Variants in SPATA17 observed in about 807,000 individuals in gnomAD.
The protein encoded by SPATA17 is spermatogenesis-associated protein 17.
In SPATA17, 53 loss-of-function variants were observed where a neutral mutation model predicts 62.2. That is an observed-to-expected ratio of 0.85 (90% CI 0.68 to 1.07). The LOEUF is 1.07. Ranked by LOEUF, SPATA17 falls within the 50% of genes least tolerant of loss-of-function variation. The probability of loss-of-function intolerance (pLI) is 0.00; values close to 1 mark genes in which losing one functional copy is unlikely to be tolerated. For synonymous variants in SPATA17, 146 were observed against 146.8 expected (o/e 0.99, Z 0.04); for missense variants, 466 against 425.5 (o/e 1.10, Z -0.84).
intron 7 of SPATA17, among the ~76,000 whole-genome samples, chr1:217,779,018 TG>T (rs1164521578): frequency 2.0e-5 from 3 of 151,998 alleles, no homozygotes; most frequent in Non-Finnish European, 4.4e-5. Context: ...ATAGAAATAA[TG>T]TATGGATGAT....
intron 6 of SPATA17, among the ~76,000 whole-genome samples, chr1:217,767,004 A>G (rs574299243): frequency 6.6e-6 from 1 of 151,868 alleles, no homozygotes; most frequent in African/African-American, 2.4e-5. Context: ...GTGATATTTC[A>G]TTTTCATTCT....
chr1:217,678,207 T>A (rs1015703126), intron 4 of SPATA17, among the ~76,000 whole-genome samples: 1 of 139,152 alleles, frequency 7.2e-6, no homozygotes. Context: ...TTTCTTTTCT[T>A]TTTTTTTTTT....
In SPATA17 at chr1:217,810,617, C is replaced by CAAA. The variant is rs112509140; in HGVS notation, c.1005+8775_1005+8777dup. On this transcript the variant is annotated intron_variant, in intron 9 of 10. Coordinates refer to ENST00000366933, the MANE Select transcript of SPATA17 (RefSeq NM_138796.4). Reference sequence around the variant, plus strand: ...TGGGTGACAGAGTGAGACTCTGTCTCAAAAAAAAAAGAAAGAAAGAGGTAC... The same window carrying CAAA: ...TGGGTGACAGAGTGAGACTCTGTCTCAAAAAAAAAAAAAGAAAGAAAGAGGTAC... Among the ~76,000 whole-genome samples the CAAA allele has an allele frequency of 2.8e-5, 4 of 143,172 alleles. No homozygotes were observed. The South Asian group carries it at 6.7e-4, about 24-fold the overall frequency. 93.9% of individuals were successfully genotyped at this position (143,172 alleles called of 152,430 possible).
chr1:217,790,139 T>C (rs571365773), intron 8 of SPATA17, among the ~76,000 whole-genome samples: 1 of 152,058 alleles, frequency 6.6e-6, no homozygotes, highest in African/African-American at 2.4e-5. Context: ...CAACAAAGGG[T>C]GATAGTTAAA....
chr1:217,802,903 G>A (rs1053807726), intron 9 of SPATA17, among the ~76,000 whole-genome samples: 1 of 151,964 alleles, frequency 6.6e-6, no homozygotes, highest in Non-Finnish European at 1.5e-5. Context: ...AACATGACAA[G>A]GGTGCCCACT....
chr1:217,838,223 A>G (rs1675306560), intron 9 of SPATA17, among the ~76,000 whole-genome samples: 1 of 152,028 alleles, frequency 6.6e-6, no homozygotes, highest in South Asian at 2.1e-4. Flanking sequence ...ACTGCTCTAG[A>G]TGATATATTT....
chr1:217,801,522 G>T (rs1558056581), intron 8 of SPATA17, among the ~76,000 whole-genome samples, 196 bp from the exon 9 acceptor site: 1 of 152,054 alleles, frequency 6.6e-6, no homozygotes, highest in Non-Finnish European at 1.5e-5. Flanking sequence ...ATCTCTATTT[G>T]CAGAATAGAA....
Position 217,664,102 on chromosome 1 carries a change from T to C in SPATA17, c.241-4931T>C, listed in dbSNP as rs556546418. ...AAAACAGTAGGTGGAACAGTCAAAGTTGACAACGTCTGGAGCATGTTTTGA... is the reference window on the plus strand; with the variant it reads ...AAAACAGTAGGTGGAACAGTCAAAGCTGACAACGTCTGGAGCATGTTTTGA... On this transcript the variant is annotated intron_variant, in intron 3 of 10. Coordinates refer to ENST00000366933, the MANE Select transcript of SPATA17 (RefSeq NM_138796.4). Among the ~76,000 whole-genome samples the C allele has an allele frequency of 4.6e-5, 7 of 152,086 alleles. No individual in the cohort carries two copies. In the East Asian group the frequency reaches 7.8e-4, roughly 17 times the overall value.
At chr1:217,672,714 G>T (rs186389780) in intron 4 of SPATA17, among the ~76,000 whole-genome samples, 99 of 151,822 alleles carry the variant, frequency 6.5e-4, no homozygotes, top group Non-Finnish European at 1.1e-3. Context: ...TTTTTTAAAG[G>T]GTCACCTTTT....
At chr1:217,829,771 A>G (rs935437832) in intron 9 of SPATA17, among the ~76,000 whole-genome samples, 5 of 151,888 alleles carry the variant, frequency 3.3e-5, no homozygotes, top group Non-Finnish European at 5.9e-5. Context: ...GGGTGGCGAG[A>G]GAAATATAGG....
chr1:217,815,088 T>C (rs1459192524), intron 9 of SPATA17, among the ~76,000 whole-genome samples: 2 of 152,160 alleles, frequency 1.3e-5, no homozygotes. Context: ...GTGTGAATTG[T>C]GGCCTCCAAA....
chr1:217,643,088 T>C (rs1226859617), intron 1 of SPATA17, among the ~76,000 whole-genome samples: 1 of 152,208 alleles, frequency 6.6e-6, no homozygotes, highest in East Asian at 1.9e-4. Context: ...CTTATTTCTC[T>C]ACCTATTGAT....
At chr1:217,789,991 C>T (rs144642085) in intron 8 of SPATA17, among the ~76,000 whole-genome samples, 32 of 151,904 alleles carry the variant, frequency 2.1e-4, no homozygotes, top group African/African-American at 7.0e-4. Context: ...GAGCCCAGAT[C>T]GCACCACTGC....
chr1:217,799,851 A>G (rs1418405920), intron 8 of SPATA17, among the ~76,000 whole-genome samples: 1 of 152,086 alleles, frequency 6.6e-6, no homozygotes, highest in African/African-American at 2.4e-5. Context: ...CAATAAATAT[A>G]TGTTGAACCT....
At chr1:217,744,976 A>G (rs958622939) in intron 6 of SPATA17, among the ~76,000 whole-genome samples, 1 of 152,234 alleles carries the variant, frequency 6.6e-6, no homozygotes, top group Admixed American at 6.5e-5. Context: ...TTAACCACAG[A>G]TAAACCTAAG....
chr1:217,787,214 T>A (rs942114663), intron 8 of SPATA17, among the ~76,000 whole-genome samples: 1 of 152,126 alleles, frequency 6.6e-6, no homozygotes, highest in Admixed American at 6.6e-5. Flanking sequence ...TGCCATAAAA[T>A]CCCTTCAACC....
intron 9 of SPATA17, among the ~76,000 whole-genome samples, chr1:217,860,275 T>C (rs1675872560): frequency 6.6e-6 from 1 of 152,174 alleles, no homozygotes; most frequent in African/African-American, 2.4e-5. Flanking sequence ...CGTTGTATGA[T>C]TTCTCTTCTT....
chr1:217,829,366 G>A (rs939569453), intron 9 of SPATA17, among the ~76,000 whole-genome samples: 7 of 151,714 alleles, frequency 4.6e-5, no homozygotes, highest in South Asian at 2.1e-4. Flanking sequence ...GGTGGTTCAC[G>A]CCTGTAATCC....
chr1:217,782,978 A>G (rs1333815210), intron 8 of SPATA17, among the ~76,000 whole-genome samples: 1 of 151,646 alleles, frequency 6.6e-6, no homozygotes, highest in East Asian at 1.9e-4. Flanking sequence ...GATTGTCATT[A>G]TTCTGTAATG....
Sources: gnomAD v4.1 joint callset for allele counts (sites outside exome capture counted in the v4.1 genomes callset) on GRCh38, gnomAD v4.1.1 for gene constraint, MANE v1.5 for transcripts, NCBI Gene and HGNC (gene_info 2026-07-23, HGNC 2026-07-21) for gene names.